Variants in E2F8 observed in about 807,000 individuals in gnomAD.
The protein encoded by E2F8 is E2F transcription factor 8.
In E2F8, 35 loss-of-function variants were observed where a neutral mutation model predicts 80.8. The ratio of observed to expected loss-of-function variants is 0.43; its 90% CI spans 0.33 to 0.57. The LOEUF (loss-of-function observed/expected upper bound fraction) is 0.57. Ranked by LOEUF, E2F8 falls within the 20% of genes least tolerant of loss-of-function variation. The probability of loss-of-function intolerance (pLI) is 0.04; values close to 1 mark genes in which losing one functional copy is unlikely to be tolerated. For synonymous variants in E2F8, 386 were observed against 395.0 expected, an observed-to-expected ratio of 0.98 and a Z score of 0.27; for missense variants, 975 against 1,056.2, an observed-to-expected ratio of 0.92 and a Z score of 1.07.
chr11:19,232,041 G>A (rs1398749929), intron 7 of E2F8, among the ~76,000 whole-genome samples, 193 bp downstream of exon 7: 1 of 152,188 alleles, frequency 6.6e-6, no homozygotes, highest in African/African-American at 2.4e-5. Flanking sequence ...CACGGATGGA[G>A]CTGGAAGCCA....
intron 2 of E2F8, 90 bp from the exon 3 acceptor site, chr11:19,238,222 C>T: frequency 7.5e-7 from 1 of 1,329,430 alleles, no homozygotes; most frequent in South Asian, 1.5e-5. Flanking sequence ...CGAATAGAAT[C>T]ATGCCAAGGA....
At chr11:19,238,873 C>G (rs1196517580) in intron 2 of E2F8, among the ~76,000 whole-genome samples, 1 of 152,184 alleles carries the variant, frequency 6.6e-6, no homozygotes, top group East Asian at 1.9e-4. Context: ...ATGGCAAAAA[C>G]AGCAATTATG....
At chr11:19,239,831 C>T (rs1324509572) in intron 2 of E2F8, among the ~76,000 whole-genome samples, 1 of 149,854 alleles carries the variant, frequency 6.7e-6, no homozygotes, top group Admixed American at 6.7e-5. Context: ...GATTCTTGAA[C>T]AACTGGAATT....
chr11:19,237,372 A>C lies in E2F8; in HGVS notation c.393T>G (p.Asn131Lys). ...LCHKFLARYP[N>K]YPNPAVNNDI... ...CATTATTCACAGCAGGGTTGGGATA[A>C]TTAGGATATCGTGCTAAGAACTTAT... Residue 131 changes from asparagine to lysine, a missense_variant, in exon 4 of 13, where the codon AAT becomes AAG. Coordinates refer to ENST00000250024, the MANE Select transcript of E2F8 (RefSeq NM_024680.4). 6.2e-7 allele frequency: 1 copy of C among 1,614,222 alleles called. No individual in the cohort carries two copies. The highest frequency in any genetic ancestry group is 8.5e-7 in the Non-Finnish European group (1 of 1,180,032).
rs1010096181 is a variant in E2F8, at chr11:19,240,657, C to G, written c.-219G>C. On this transcript the variant is annotated 5_prime_UTR_variant, in exon 1 of 13. Transcript: ENST00000250024. The stretch of plus-strand genomic sequence containing the variant: ...TCTGCATCTAGATGCCTGGATTTCT[C>G]CCCTTACACACACGTGCACAGGCTC... 6.6e-6 allele frequency: 1 copy of G among 152,320 alleles called. No homozygotes were observed. Among genetic ancestry groups the G allele is most frequent in the Admixed American group, 6.5e-5 (1 of 15,280 alleles). The allele number at this position is 152,320 out of a possible 1,614,324, so 9.4% of individuals were successfully genotyped here.
In E2F8 at chr11:19,230,221, A is replaced by T. The variant is rs754409415; in HGVS notation, c.1358+20T>A. 2.5e-6 allele frequency: 4 copies of T among 1,603,304 alleles called. No individual in the cohort carries two copies. The highest frequency in any genetic ancestry group is 3.4e-6 in the Non-Finnish European group (4 of 1,175,468). On this transcript the variant is annotated intron_variant, in intron 9 of 12. Transcript: ENST00000250024. ...TGTAAAAGTAATTCATCCTGTTATT[A>T]AAGAGGATTGCCAACCTACCTTGAT...
chr11:19,229,444 C>T lies in E2F8; in HGVS notation c.1893+10G>A. The stretch of plus-strand genomic sequence containing the variant: ...TCCTAAAGCTTTGTGCAGTTCAAGG[C>T]TGTACTTACTGCGGAGACATTTTCA... On this transcript the variant is annotated intron_variant, in intron 10 of 12. Coordinates refer to ENST00000250024, the MANE Select transcript of E2F8 (RefSeq NM_024680.4). This position sits in a 1 kb window ranked among gnomAD's most constrained non-coding sequence, Gnocchi z 4.3. 6.2e-7 allele frequency: 1 copy of T among 1,606,884 alleles called. No homozygotes were observed. The highest frequency in any genetic ancestry group is 1.1e-5 in the South Asian group (1 of 89,458).
rs574154584 is a variant in E2F8, at chr11:19,235,423, C to T, written c.452-365G>A. Among the ~76,000 whole-genome samples the T allele has an allele frequency of 6.6e-5, 10 of 152,212 alleles. No individual in the cohort carries two copies. The South Asian group carries it at 1.4e-3, about 22-fold the overall frequency. On this transcript the variant is annotated intron_variant, in intron 4 of 12. Transcript: ENST00000250024. Reference sequence around the variant, plus strand: ...CAGCACCTTGGGAGGCCGAGGAGGGCGGATCACGAGGTCAGGAGATGGAGA... The same window carrying T: ...CAGCACCTTGGGAGGCCGAGGAGGGTGGATCACGAGGTCAGGAGATGGAGA...
chr11:19,237,227 T>C, intron 4 of E2F8, 87 bp downstream of exon 4: 1 of 1,264,038 alleles, frequency 7.9e-7, no homozygotes, highest in Non-Finnish European at 1.1e-6. Context: ...TTACAAACAC[T>C]GGCTAGATGA....
In E2F8 at chr11:19,229,920, T is replaced by C; in HGVS notation, c.1427A>G (p.Asp476Gly). 6.2e-7 allele frequency: 1 copy of C among 1,613,908 alleles called. No homozygotes were observed. The highest frequency in any genetic ancestry group is 8.5e-7 in the Non-Finnish European group (1 of 1,179,988). ...CTCCATCTCAGCATTCACTGGGGGG[T>C]CCAGAGGGGCTACTGGTTTGCAGGG... ...SGPCKPVAPL[D>G]PPVNAEMELT... is the part of the protein sequence containing the mutation. Residue 476 changes from aspartate to glycine, a missense_variant, in exon 10 of 13, where the codon GAC (aspartate) becomes GGC (glycine). Physicochemically the swap from Asp to Gly is moderately conservative, Grantham distance 94. Transcript: ENST00000250024. The surrounding 1 kb of genome is among the most constrained non-coding windows in gnomAD (Gnocchi z 4.3).
intron 7 of E2F8, among the ~76,000 whole-genome samples, 199 bp from the exon 8 acceptor site, chr11:19,231,033 C>T (rs1380346911): frequency 1.3e-5 from 2 of 152,202 alleles, no homozygotes; most frequent in African/African-American, 4.8e-5. Flanking sequence ...CCTACATTAG[C>T]ATTTCTGAAA....
Position 19,229,586 on chromosome 11 carries a change from C to G in E2F8, c.1761G>C (p.Glu587Asp). Residue 587 changes from glutamate to aspartate, a missense_variant, in exon 10 of 13, where the codon GAG becomes GAC. Coordinates refer to ENST00000250024, the MANE Select transcript of E2F8 (RefSeq NM_024680.4). This position sits in a 1 kb window ranked among gnomAD's most constrained non-coding sequence, Gnocchi z 4.3. ...TGGTTCGGCTCTTTGCCCCTTGCCT[C>G]TCTGGTGCTGGCAGCAAGCTTCCAG... The part of the protein sequence containing the change: ...TRPGSLLPAP[E>D]RQGAKSRTRE... 1 of 1,614,224 alleles carries G rather than the reference C, an allele frequency of 6.2e-7. No individual in the cohort carries two copies. Among genetic ancestry groups the G allele is most frequent in the South Asian group, 1.1e-5 (1 of 91,082 alleles).
intron 3 of E2F8, 127 bp from the exon 4 acceptor site, chr11:19,237,597 T>C: frequency 8.6e-7 from 1 of 1,156,720 alleles, no homozygotes; most frequent in Non-Finnish European, 1.2e-6. Context: ...AAAGTCTGGA[T>C]GGGAGAAAAG....
intron 10 of E2F8, among the ~76,000 whole-genome samples, chr11:19,226,287 G>A (rs1213207495): frequency 1.3e-5 from 2 of 152,208 alleles, no homozygotes; most frequent in Non-Finnish European, 2.9e-5. Context: ...AGGTCCATGG[G>A]TTGCAAACAG....
intron 2 of E2F8, among the ~76,000 whole-genome samples, 165 bp downstream of exon 2, chr11:19,239,942 T>C (rs1851615904): frequency 6.6e-6 from 1 of 151,670 alleles, no homozygotes; most frequent in Non-Finnish European, 1.5e-5. Context: ...TTAAACTATA[T>C]ATTTTTGAAA....
intron 5 of E2F8, 110 bp from the exon 6 acceptor site, chr11:19,234,631 G>C: frequency 6.6e-7 from 1 of 1,521,890 alleles, no homozygotes. Flanking sequence ...GACAACTGTG[G>C]CATCTGAACA....
Position 19,225,271 on chromosome 11 carries a change from C to T in E2F8, c.2371G>A (p.Gly791Ser). 6.2e-7 allele frequency: 1 copy of T among 1,614,090 alleles called. No homozygotes were observed. Among genetic ancestry groups the T allele is most frequent in the Non-Finnish European group, 8.5e-7 (1 of 1,180,046 alleles). The change falls in exon 12 of 13, where the codon GGC becomes AGC. Residue 791 changes from glycine (G) to serine (S), a missense_variant. Transcript: ENST00000250024. Reference sequence around the variant, plus strand: ...GATTGTCCATTTGGCTGGCTCTGGCCTGGGACTGGTGAGTCATAGTTGGTG... The same window carrying T: ...GATTGTCCATTTGGCTGGCTCTGGCTTGGGACTGGTGAGTCATAGTTGGTG... The part of the protein sequence containing the change: ...RATNYDSPVP[G>S]QSQPNGQSVA...
chr11:19,230,065 T>C, intron 9 of E2F8, 77 bp from the exon 10 acceptor site: 1 of 1,577,254 alleles, frequency 6.3e-7, no homozygotes, highest in East Asian at 2.2e-5. Flanking sequence ...AAGCCTCATA[T>C]TGAAGCCACG....
chr11:19,235,208 G>A (rs1205262130), intron 4 of E2F8, 150 bp from the exon 5 acceptor site: 1 of 744,808 alleles, frequency 1.3e-6, no homozygotes, highest in South Asian at 1.9e-5. Context: ...TACTGTGAAG[G>A]TGAGAAAGAC....
Sources: allele counts gnomAD v4.1 joint callset (sites outside exome capture counted in the v4.1 genomes callset), GRCh38; gene constraint gnomAD v4.1.1; non-coding constraint Gnocchi (gnomAD v3.1); transcripts MANE v1.5; gene names NCBI Gene and HGNC (gene_info 2026-07-23, HGNC 2026-07-21).